The following CADPS variants were observed in gnomAD, a reference collection of about 807,000 sequenced individuals.
CADPS encodes calcium-dependent secretion activator 1.
Under a neutral mutation model 167.3 loss-of-function variants are expected in CADPS, and 57 were observed. The ratio of observed to expected loss-of-function variants is 0.34; its 90% CI spans 0.28 to 0.42. The LOEUF (loss-of-function observed/expected upper bound fraction) is 0.42. CADPS is among the 20% of genes least tolerant of loss of function. The pLI, the probability that CADPS is intolerant of heterozygous loss-of-function variation, is 1.00. For synonymous variants in CADPS, 676 were observed against 635.3 expected, an observed-to-expected ratio of 1.06 and a Z score of -0.96; for missense variants, 1,414 against 1,738.1, an observed-to-expected ratio of 0.81 and a Z score of 3.32.
rs147306806 is a variant in CADPS at position 62,566,272 on chromosome 3, G to T, written c.1644+4600C>A. 3.7e-3 allele frequency among the ~76,000 whole-genome samples: 570 copies of T among 152,312 alleles called. 5 individuals carry two copies. Among genetic ancestry groups the T allele is most frequent in the African/African-American group, 0.013 (533 of 41,562 alleles). On this transcript the variant is annotated intron_variant, in intron 9 of 29. Transcript: ENST00000383710. Reference sequence around the variant, plus strand: ...ACGCTTCTGCAAATTGAACCAGGGTGGTTCTCCGGGTTTCATGTTTGCATT... The same window carrying T: ...ACGCTTCTGCAAATTGAACCAGGGTTGTTCTCCGGGTTTCATGTTTGCATT...
intron 3 of CADPS, among the ~76,000 whole-genome samples, chr3:62,686,030 A>G (rs1395704889): frequency 6.6e-6 from 1 of 152,094 alleles, no homozygotes; most frequent in Non-Finnish European, 1.5e-5. Context: ...GAGATGATGG[A>G]CATACTAATT....
At chr3:62,763,362 C>G (rs1433433984) in intron 2 of CADPS, among the ~76,000 whole-genome samples, 2 of 152,198 alleles carry the variant, frequency 1.3e-5, no homozygotes, top group Non-Finnish European at 2.9e-5. Context: ...AGGAAGTCAA[C>G]ACAGGGATGA....
At chr3:62,711,821 G>A (rs1481381616) in intron 3 of CADPS, among the ~76,000 whole-genome samples, 1 of 152,134 alleles carries the variant, frequency 6.6e-6, no homozygotes, top group Non-Finnish European at 1.5e-5. Flanking sequence ...AGAGCTATAT[G>A]CATGACTGAA....
At chr3:62,849,559 G>GATTACA (rs1279593159) in intron 1 of CADPS, among the ~76,000 whole-genome samples, 5 of 126,618 alleles carry the variant, frequency 3.9e-5, no homozygotes, top group African/African-American at 1.5e-4. Context: ...CTTTGGCTGT[G>GATTACA]TTTATATGCT....
rs534609029 is a variant in CADPS at position 62,589,995 on chromosome 3, C to T, written c.1437+2642G>A. ...ACTTCAGGTTAGCAGTTCAGACCAG[C>T]CTGACCAACATGGTAAAACCCTGTC... On this transcript the variant is annotated intron_variant, in intron 7 of 29. Transcript: ENST00000383710. Among the ~76,000 whole-genome samples, 3 of 152,028 alleles carry T rather than the reference C, an allele frequency of 2.0e-5. No individual in the cohort carries two copies. The South Asian group carries it at 6.2e-4, about 32-fold the overall frequency.
chr3:62,448,519 C>T (rs998838104), intron 26 of CADPS, among the ~76,000 whole-genome samples: 1 of 152,088 alleles, frequency 6.6e-6, no homozygotes, highest in African/African-American at 2.4e-5. Context: ...GATCCTCCTC[C>T]CATCCCATAA....
At chr3:62,408,570 T>C (rs2149189152) in intron 28 of CADPS, among the ~76,000 whole-genome samples, 1 of 152,336 alleles carries the variant, frequency 6.6e-6, no homozygotes, top group South Asian at 2.1e-4. Flanking sequence ...CATTTAACTC[T>C]GGATACTATC....
At chr3:62,532,742 TGTGTG>T (rs779103028) in intron 13 of CADPS, 124 bp downstream of exon 13, 5 of 655,366 alleles carry the variant, frequency 7.6e-6, no homozygotes, top group Non-Finnish European at 1.3e-5. Flanking sequence ...TGTGTGTGTG[TGTGTG>T]TGTACGTGTG....
chr3:62,423,262 A>G (rs2051861925), intron 28 of CADPS, among the ~76,000 whole-genome samples: 3 of 152,246 alleles, frequency 2.0e-5, no homozygotes, highest in Admixed American at 2.0e-4. Flanking sequence ...CACATTCACG[A>G]AAAGACCTGC....
intron 6 of CADPS, among the ~76,000 whole-genome samples, chr3:62,596,527 T>C (rs890453714): frequency 3.3e-5 from 5 of 152,310 alleles, no homozygotes; most frequent in African/African-American, 1.2e-4. Context: ...ATGTATACAA[T>C]GTGTAATAAT....
At chr3:62,731,065 A>G (rs1172710162) in intron 3 of CADPS, among the ~76,000 whole-genome samples, 3 of 152,222 alleles carry the variant, frequency 2.0e-5, no homozygotes, top group Admixed American at 6.5e-5. Flanking sequence ...TTGTAAATCT[A>G]TGTTGGAGAG....
chr3:62,805,810 G>T (rs902854769), intron 1 of CADPS, among the ~76,000 whole-genome samples: 6 of 152,118 alleles, frequency 3.9e-5, no homozygotes, highest in Admixed American at 6.6e-5. Context: ...GATCAGGGTG[G>T]GAAGAGAGAG....
At chr3:62,681,584 G>A (rs899438172) in intron 3 of CADPS, among the ~76,000 whole-genome samples, 25 of 152,018 alleles carry the variant, frequency 1.6e-4, no homozygotes, top group African/African-American at 6.0e-4. Context: ...AAACTTCTGA[G>A]GGCAGAAACT....
At chr3:62,782,903 G>A (rs1045667430) in intron 1 of CADPS, among the ~76,000 whole-genome samples, 8 of 151,962 alleles carry the variant, frequency 5.3e-5, no homozygotes, top group African/African-American at 1.7e-4. Context: ...GGGATTACAG[G>A]TGCCCGCCAC....
chr3:62,841,745 T>G (rs1214163490), intron 1 of CADPS, among the ~76,000 whole-genome samples: 1 of 152,162 alleles, frequency 6.6e-6, no homozygotes, highest in East Asian at 1.9e-4. Context: ...TGGAAAATCC[T>G]ATGGCCACAT....
chr3:62,707,913 C>G (rs1489233765), intron 3 of CADPS, among the ~76,000 whole-genome samples: 1 of 106,806 alleles, frequency 9.4e-6, no homozygotes, highest in Admixed American at 1.1e-4. Context: ...AGCACAGACA[C>G]AGTACTGTTT....
intron 21 of CADPS, among the ~76,000 whole-genome samples, chr3:62,482,186 G>C (rs1297792485): frequency 6.6e-6 from 1 of 152,192 alleles, no homozygotes; most frequent in Non-Finnish European, 1.5e-5. Flanking sequence ...CTTTTCTCAT[G>C]CTAAGAACTT....
rs571578193 is a variant in CADPS, at chr3:62,465,301, C to T, written c.3636+66G>A. On this transcript the variant is annotated intron_variant, in intron 26 of 29. Transcript: ENST00000383710. The surrounding 1 kb of genome is among the most constrained non-coding windows in gnomAD (Gnocchi z 4.1). ...CCCAAAACAAAATGACACAACATAACTCCTCTCCCAAGCCGAAACCAAAAA... is the reference window on the plus strand; with the variant it reads ...CCCAAAACAAAATGACACAACATAATTCCTCTCCCAAGCCGAAACCAAAAA... 8 of 1,140,334 alleles carry T rather than the reference C, an allele frequency of 7.0e-6. No homozygotes were observed. In the East Asian group the frequency reaches 1.7e-4, roughly 24 times the overall value. The allele number at this position is 1,140,334 out of a possible 1,614,324, so 70.6% of individuals were successfully genotyped here.
chr3:62,873,861 C>T (rs2083119861), intron 1 of CADPS, among the ~76,000 whole-genome samples: 1 of 152,096 alleles, frequency 6.6e-6, no homozygotes, highest in Non-Finnish European at 1.5e-5. Context: ...ACGGAAGGAC[C>T]AGAGGGCGTG....
Sources: gnomAD v4.1 joint callset for allele counts (sites outside exome capture counted in the v4.1 genomes callset) on GRCh38, gnomAD v4.1.1 for gene constraint, Gnocchi (gnomAD v3.1) non-coding constraint, MANE v1.5 for transcripts, NCBI Gene and HGNC (gene_info 2026-07-23, HGNC 2026-07-21) for gene names.